Variants in PPM1L observed in about 807,000 individuals in gnomAD.
PPM1L encodes protein phosphatase 1L.
PPM1L carries 13 observed loss-of-function variants against 31.4 expected under a neutral mutation model. The observed-to-expected ratio is 0.41, with a 90% confidence interval of 0.27 to 0.66. PPM1L has a LOEUF of 0.66. Among genes scored for constraint, PPM1L ranks in the 30% least tolerant of loss-of-function variants. The probability of loss-of-function intolerance (pLI) is 0.29; values close to 1 mark genes in which losing one functional copy is unlikely to be tolerated. For missense variants in PPM1L, 326 were observed against 453.7 expected (o/e 0.72, Z 2.56); for synonymous variants, 184 against 175.4 (o/e 1.05, Z -0.39).
chr3:160,797,184 A>T (rs1712273304), intron 1 of PPM1L, among the ~76,000 whole-genome samples: 1 of 152,134 alleles, frequency 6.6e-6, no homozygotes, highest in Non-Finnish European at 1.5e-5. Flanking sequence ...ATATTTTGGT[A>T]ATTTTTGCAA....
chr3:161,070,664 C>T lies in PPM1L; in HGVS notation c.*1507C>T, dbSNP rs1323565953. The stretch of plus-strand genomic sequence containing the variant: ...AACGAAACTTCCGTTGCCTCCCAGC[C>T]CTCTGTATCCACCTGGTTTTGTTCT... On this transcript the variant is annotated 3_prime_UTR_variant, in exon 4 of 4. Coordinates refer to ENST00000498165, the MANE Select transcript of PPM1L (RefSeq NM_139245.4). The T allele has an allele frequency of 2.0e-5, 3 of 152,178 alleles. No individual in the cohort carries two copies. Among genetic ancestry groups the T allele is most frequent in the Admixed American group, 2.0e-4 (3 of 15,266 alleles). 9.4% of individuals were successfully genotyped at this position (152,178 alleles called of 1,614,324 possible). A position where few individuals can be genotyped will look rare whatever the true frequency, so the allele number is the denominator to read the frequency against.
chr3:160,955,182 T>C (rs1715729986), intron 1 of PPM1L, among the ~76,000 whole-genome samples: 1 of 151,952 alleles, frequency 6.6e-6, no homozygotes, highest in Non-Finnish European at 1.5e-5. Flanking sequence ...AGCTAATTTT[T>C]GTATTTTTAG....
chr3:160,998,954 A>T (rs999901975), intron 2 of PPM1L, among the ~76,000 whole-genome samples: 18 of 152,160 alleles, frequency 1.2e-4, no homozygotes, highest in Non-Finnish European at 1.8e-4. Context: ...AATCTTAAAC[A>T]AAAAAAGAAA....
chr3:160,844,053 C>CCAG (rs1229055100), intron 1 of PPM1L, among the ~76,000 whole-genome samples: 1 of 152,108 alleles, frequency 6.6e-6, no homozygotes, highest in Admixed American at 6.6e-5. Context: ...CCAGAGAAGC[C>CCAG]AAAAGACTGG....
intron 1 of PPM1L, among the ~76,000 whole-genome samples, chr3:160,923,015 T>G (rs962530152): frequency 6.6e-6 from 1 of 152,246 alleles, no homozygotes; most frequent in African/African-American, 2.4e-5. Flanking sequence ...GGAGTGAAAC[T>G]AATGCCTATT....
chr3:160,811,503 G>A (rs981481310), intron 1 of PPM1L, among the ~76,000 whole-genome samples: 3 of 152,220 alleles, frequency 2.0e-5, no homozygotes, highest in Non-Finnish European at 2.9e-5. Flanking sequence ...GAAAACCTAT[G>A]TGACTCAAAA....
At chr3:160,829,536 G>A (rs1016507432) in intron 1 of PPM1L, among the ~76,000 whole-genome samples, 3 of 152,246 alleles carry the variant, frequency 2.0e-5, no homozygotes, top group Admixed American at 1.3e-4. Context: ...GCTCTTTTGC[G>A]TTCATGTTTT....
rs1719128048 is a variant in PPM1L at position 161,047,646 on chromosome 3, A to G, written c.575-17757A>G. On this transcript the variant is annotated intron_variant, in intron 2 of 3. Coordinates refer to ENST00000498165, the MANE Select transcript of PPM1L (RefSeq NM_139245.4). ...ATTGCCAAGACAATCCTAAGCCAAA[A>G]GAACAAAGCTGGAGGCATCATGCTA... 2.6e-5 allele frequency among the ~76,000 whole-genome samples: 4 copies of G among 152,340 alleles called. No individual in the cohort carries two copies. The South Asian group carries it at 8.3e-4, about 32-fold the overall frequency.
intron 2 of PPM1L, among the ~76,000 whole-genome samples, chr3:161,047,011 T>C (rs1719101775): frequency 6.6e-6 from 1 of 152,128 alleles, no homozygotes; most frequent in Non-Finnish European, 1.5e-5. Flanking sequence ...CTGGAGGCAT[T>C]CCCTTTGAAA....
chr3:160,962,161 G>C (rs1402999175), intron 2 of PPM1L, among the ~76,000 whole-genome samples: 2 of 151,592 alleles, frequency 1.3e-5, no homozygotes, highest in Non-Finnish European at 2.9e-5. Flanking sequence ...TTATTAACTG[G>C]GTACTCCTAA....
chr3:160,788,725 G>T (rs1015692772), intron 1 of PPM1L, among the ~76,000 whole-genome samples: 6 of 151,896 alleles, frequency 4.0e-5, no homozygotes, highest in Non-Finnish European at 8.8e-5. Context: ...TGATCAATTA[G>T]AAATGTGAGA....
intron 1 of PPM1L, among the ~76,000 whole-genome samples, chr3:160,837,811 A>G (rs1293016530): frequency 6.6e-6 from 1 of 152,112 alleles, no homozygotes; most frequent in Non-Finnish European, 1.5e-5. Flanking sequence ...AACCATGTGA[A>G]CTTGTGGTTG....
chr3:161,077,376 G>A lies in PPM1L; in HGVS notation c.*8219G>A, dbSNP rs1007633187. On this transcript the variant is annotated 3_prime_UTR_variant, in exon 4 of 4. Transcript: ENST00000498165. ...ATAGGGGGGTGGGACTGTCCCAGTG[G>A]AGGGTGCCACTGGAAGCCTCCACCC... is the stretch of plus-strand genomic sequence containing the variant. 12 of 152,326 alleles carry A rather than the reference G, an allele frequency of 7.9e-5. No individual in the cohort carries two copies. Among genetic ancestry groups the A allele is most frequent in the Non-Finnish European group, 1.3e-4 (9 of 68,144 alleles). 9.4% of individuals were successfully genotyped at this position (152,326 alleles called of 1,614,324 possible).
At chr3:160,915,624 A>T (rs1714142379) in intron 1 of PPM1L, among the ~76,000 whole-genome samples, 2 of 152,216 alleles carry the variant, frequency 1.3e-5, no homozygotes, top group Non-Finnish European at 2.9e-5. Context: ...CCAAAAGAAC[A>T]AAGCTGGGGG....
intron 1 of PPM1L, among the ~76,000 whole-genome samples, chr3:160,808,152 CA>C (rs1267920904): frequency 1.3e-5 from 2 of 152,174 alleles, no homozygotes; most frequent in African/African-American, 2.4e-5. Context: ...ACTGAATTGG[CA>C]GCAGTGCCTT....
intron 1 of PPM1L, among the ~76,000 whole-genome samples, chr3:160,938,448 G>T (rs1715051520): frequency 6.6e-6 from 1 of 152,134 alleles, no homozygotes; most frequent in Non-Finnish European, 1.5e-5. Flanking sequence ...CTGCAAAATA[G>T]ATTGTCATAT....
intron 2 of PPM1L, among the ~76,000 whole-genome samples, chr3:160,992,392 A>G (rs1204478925): frequency 1.3e-5 from 2 of 152,202 alleles, no homozygotes; most frequent in Admixed American, 6.5e-5. Context: ...TGACAAGTGT[A>G]GCTTCCACTC....
At chr3:160,803,729 A>G (rs1712507500) in intron 1 of PPM1L, among the ~76,000 whole-genome samples, 2 of 152,222 alleles carry the variant, frequency 1.3e-5, no homozygotes, top group African/African-American at 4.8e-5. Context: ...TTCTTTATTT[A>G]GCTATTTAAT....
At chr3:160,974,290 G>T (rs1018319050) in intron 2 of PPM1L, among the ~76,000 whole-genome samples, 13 of 151,482 alleles carry the variant, frequency 8.6e-5, no homozygotes, top group African/African-American at 3.2e-4. Context: ...ATTTGGGTTG[G>T]TTCCAAGTCT....
Sources: allele counts gnomAD v4.1 joint callset (sites outside exome capture counted in the v4.1 genomes callset), GRCh38; gene constraint gnomAD v4.1.1; transcripts MANE v1.5; gene names NCBI Gene and HGNC (gene_info 2026-07-23, HGNC 2026-07-21).